ZBTB46: variants seen among roughly 807,000 people sequenced by gnomAD.
ZBTB46 encodes zinc finger and BTB domain containing 46.
In ZBTB46, 8 loss-of-function variants were observed where a neutral mutation model predicts 44.1. The observed-to-expected ratio is 0.18, with a 90% CI of 0.11 to 0.33. The LOEUF is 0.33. ZBTB46 is among the 10% of genes least tolerant of loss of function. ZBTB46 has a pLI of 1.00. For synonymous variants in ZBTB46, 409 were observed against 382.3 expected (o/e 1.07, Z -0.81); for missense variants, 651 against 847.7 (o/e 0.77, Z 2.88).
Position 63,752,959 on chromosome 20 carries a change from C to A in ZBTB46, c.1223-98G>T. ...GCACGCCGCAGCCCAGCAGCCAGGA[C>A]GGGCTGTCTCCCACGGCCACCCACT... On this transcript the variant is annotated intron_variant, in intron 3 of 4. Transcript: ENST00000245663. The surrounding 1 kb of genome is among the most constrained non-coding windows in gnomAD (Gnocchi z 5.6). 7.4e-7 allele frequency: 1 copy of A among 1,358,826 alleles called. No individual in the cohort carries two copies. The highest frequency in any genetic ancestry group is 1.5e-5 in the African/African-American group (1 of 68,296). The allele number at this position is 1,358,826 out of a possible 1,614,324, so 84.2% of individuals were successfully genotyped here.
intron 3 of ZBTB46, among the ~76,000 whole-genome samples, chr20:63,756,693 C>T (rs1011680026): frequency 6.6e-6 from 1 of 152,246 alleles, no homozygotes; most frequent in African/African-American, 2.4e-5. Flanking sequence ...CTCTGGCCCT[C>T]CCCTAGTTGT....
At position 63,767,788 on chromosome 20, in the gene ZBTB46, T is replaced by A; in HGVS notation, c.1222+7890A>T. Reference sequence around the variant, plus strand: ...AGCTCCAGGCGAGGCCAAGCCGTCCTGGCACTGGCTGCCCCCAGGGCTGGG... The same window carrying A: ...AGCTCCAGGCGAGGCCAAGCCGTCCAGGCACTGGCTGCCCCCAGGGCTGGG... On this transcript the variant is annotated intron_variant, in intron 3 of 4. Transcript: ENST00000245663. This position sits in a 1 kb window ranked among gnomAD's most constrained non-coding sequence, Gnocchi z 5.0. The A allele has an allele frequency of 1.2e-6, 1 of 801,214 alleles. No individual in the cohort carries two copies. The highest frequency in any genetic ancestry group is 1.5e-6 in the Non-Finnish European group (1 of 661,462). 49.6% of individuals were successfully genotyped at this position (801,214 alleles called of 1,614,324 possible).
chr20:63,806,117 G>A (rs2092679747), intron 1 of ZBTB46, among the ~76,000 whole-genome samples: 2 of 151,240 alleles, frequency 1.3e-5, no homozygotes, highest in Non-Finnish European at 2.9e-5. Context: ...AAGCTAATCA[G>A]CTGGCTGGGA....
intron 3 of ZBTB46, among the ~76,000 whole-genome samples, chr20:63,770,861 C>T (rs2092363306): frequency 6.6e-6 from 1 of 152,240 alleles, no homozygotes; most frequent in South Asian, 2.1e-4. Flanking sequence ...GTACACTCGA[C>T]AGGACACCCT....
chr20:63,779,656 G>A (rs1428264108), intron 2 of ZBTB46, among the ~76,000 whole-genome samples: 4 of 151,852 alleles, frequency 2.6e-5, no homozygotes, highest in East Asian at 3.9e-4. Flanking sequence ...TCTTGACCTC[G>A]TGATTCGCCC....
At chr20:63,810,077 C>A (rs2092709162) in intron 1 of ZBTB46, among the ~76,000 whole-genome samples, 1 of 152,178 alleles carries the variant, frequency 6.6e-6, no homozygotes, top group African/African-American at 2.4e-5. Flanking sequence ...GCCCTTGAAG[C>A]AGCCTGCAGC....
chr20:63,762,436 G>A (rs1311518392), intron 3 of ZBTB46, among the ~76,000 whole-genome samples: 3 of 152,040 alleles, frequency 2.0e-5, no homozygotes, highest in Non-Finnish European at 4.4e-5. Context: ...GGTGGATCAC[G>A]AGGTCAGGAG....
At chr20:63,764,330 G>A (rs1056292537) in intron 3 of ZBTB46, among the ~76,000 whole-genome samples, 1 of 152,042 alleles carries the variant, frequency 6.6e-6, no homozygotes, top group Non-Finnish European at 1.5e-5. Context: ...CAGCTACTGG[G>A]GAGGCTGAGG....
At chr20:63,757,470 T>C (rs568497384) in intron 3 of ZBTB46, among the ~76,000 whole-genome samples, 10 of 152,212 alleles carry the variant, frequency 6.6e-5, no homozygotes, top group African/African-American at 1.9e-4. Context: ...CTCAGCACCA[T>C]ATCTTGAAAA....
Position 63,790,271 on chromosome 20 carries a change from C to T in ZBTB46, c.487G>A (p.Ala163Thr), listed in dbSNP as rs370467555. The change falls in exon 2 of 5, where the codon GCT becomes ACT. Residue 163 changes from alanine (A) to threonine (T), a missense_variant. Ala to Thr is a moderately conservative substitution (Grantham distance 58). Transcript: ENST00000245663. ...STEALISAVM[A>T]GRSISPWLAR... ...AGCCACGGGGAGATGCTCCTCCCAG[C>T]CATCACGGCCGAGATGAGAGCTTCC... 6.2e-7 allele frequency: 1 copy of T among 1,612,370 alleles called. No homozygotes were observed. Among genetic ancestry groups the T allele is most frequent in the Non-Finnish European group, 8.5e-7 (1 of 1,179,636 alleles).
chr20:63,807,937 G>A (rs1053214510), intron 1 of ZBTB46: 2 of 143,680 alleles, frequency 1.4e-5, no homozygotes, highest in Admixed American at 1.4e-4. Flanking sequence ...ACTCACGGAA[G>A]CTGAACGGAC....
At chr20:63,830,006 T>C (rs147575877) in intron 1 of ZBTB46, among the ~76,000 whole-genome samples, 19 of 152,340 alleles carry the variant, frequency 1.2e-4, no homozygotes, top group African/African-American at 4.6e-4. Flanking sequence ...ATCACAATCT[T>C]GCCACCGTAA....
chr20:63,802,466 A>G (rs1461538379), intron 1 of ZBTB46, among the ~76,000 whole-genome samples: 2 of 150,526 alleles, frequency 1.3e-5, no homozygotes, highest in African/African-American at 4.9e-5. Flanking sequence ...CCAGTATGAT[A>G]AGTACCCTTA....
intron 3 of ZBTB46, chr20:63,768,045 G>A: frequency 2.0e-6 from 2 of 985,458 alleles, no homozygotes; most frequent in Non-Finnish European, 2.4e-6. Flanking sequence ...AAGACTTCTA[G>A]TGTGGACACT....
rs535148751 is a variant in ZBTB46, at chr20:63,745,524, G to C, written c.*1406C>G. Reference sequence around the variant, plus strand: ...AAAAGAGAGTAAAAACTCTTTCCACGCAGCCCTGAAGCTCAGCACTCCGGG... The same window carrying C: ...AAAAGAGAGTAAAAACTCTTTCCACCCAGCCCTGAAGCTCAGCACTCCGGG... On this transcript the variant is annotated 3_prime_UTR_variant, in exon 5 of 5. Coordinates refer to ENST00000245663, the MANE Select transcript of ZBTB46 (RefSeq NM_001369741.1). 3 of 152,364 alleles carry C rather than the reference G, an allele frequency of 2.0e-5. No homozygotes were observed. In the East Asian group the frequency reaches 5.8e-4, roughly 29 times the overall value. The allele number at this position is 152,364 out of a possible 1,614,324, so 9.4% of individuals were successfully genotyped here.
chr20:63,798,843 A>T (rs1320444761), intron 1 of ZBTB46, among the ~76,000 whole-genome samples: 3 of 130,370 alleles, frequency 2.3e-5, no homozygotes, highest in East Asian at 2.2e-4. Flanking sequence ...GACTCTGTCT[A>T]AAAAAAAAAA....
chr20:63,808,381 C>G (rs1325709109), intron 1 of ZBTB46, among the ~76,000 whole-genome samples: 2 of 152,208 alleles, frequency 1.3e-5, no homozygotes, highest in South Asian at 2.1e-4. Flanking sequence ...CGCCACGGAG[C>G]CCGGGGCTTC....
At chr20:63,766,364 C>T (rs1314978009) in intron 3 of ZBTB46, among the ~76,000 whole-genome samples, 4 of 151,674 alleles carry the variant, frequency 2.6e-5, no homozygotes, top group African/African-American at 7.3e-5. Flanking sequence ...TACAGGCGCC[C>T]GCCACCACGC....
chr20:63,752,817 A>T lies in ZBTB46; in HGVS notation c.1267T>A (p.Cys423Ser). The stretch of plus-strand genomic sequence containing the variant: ...CACTGGTGCATGGCCGAGAAGCTGC[A>T]GTACGGACACTTGAACTTCTTCCTG... ...VIRKKFKCPYCSFSAMHQCIL... is the reference protein window; with the variant it reads ...VIRKKFKCPYSSFSAMHQCIL... The change falls in exon 4 of 5, where the codon TGC becomes AGC. Residue 423 changes from cysteine (C) to serine (S), a missense_variant. Coordinates refer to ENST00000245663, the MANE Select transcript of ZBTB46 (RefSeq NM_001369741.1). The surrounding 1 kb of genome is among the most constrained non-coding windows in gnomAD (Gnocchi z 5.6). 6.2e-7 allele frequency: 1 copy of T among 1,612,452 alleles called. No individual in the cohort carries two copies. The highest frequency in any genetic ancestry group is 2.2e-5 in the East Asian group (1 of 44,810).
Sources: gnomAD v4.1 joint callset for allele counts (sites outside exome capture counted in the v4.1 genomes callset) on GRCh38, gnomAD v4.1.1 for gene constraint, Gnocchi (gnomAD v3.1) non-coding constraint, MANE v1.5 for transcripts, NCBI Gene and HGNC (gene_info 2026-07-23, HGNC 2026-07-21) for gene names.